Variants in SCML4 observed in about 807,000 individuals in gnomAD.
SCML4 encodes sex comb on midleg-like protein 4.
A neutral mutation model predicts 41.1 loss-of-function variants in SCML4; 34 were observed. That is an observed-to-expected ratio of 0.83 (90% CI 0.63 to 1.10). The LOEUF is 1.10. Among genes scored for constraint, SCML4 ranks in the 50% least tolerant of loss-of-function variants. The pLI is 0.00. For missense variants in SCML4, 522 were observed against 534.1 expected, an observed-to-expected ratio of 0.98 and a Z score of 0.22; for synonymous variants, 214 against 220.9, an observed-to-expected ratio of 0.97 and a Z score of 0.28.
At chr6:107,751,377 C>T (rs1778608127) in intron 2 of SCML4, among the ~76,000 whole-genome samples, 2 of 150,200 alleles carry the variant, frequency 1.3e-5, no homozygotes, top group South Asian at 4.2e-4. Flanking sequence ...CAGGCAATGT[C>T]GATATCAAGC....
chr6:107,779,135 G>A (rs1304571113), intron 1 of SCML4, among the ~76,000 whole-genome samples: 2 of 151,714 alleles, frequency 1.3e-5, no homozygotes, highest in African/African-American at 4.8e-5. Context: ...AGACAAGATC[G>A]CGCCACTGCA....
At chr6:107,755,822 G>A (rs1217278809) in intron 2 of SCML4, among the ~76,000 whole-genome samples, 1 of 152,146 alleles carries the variant, frequency 6.6e-6, no homozygotes, top group Non-Finnish European at 1.5e-5. Flanking sequence ...TTACACACTG[G>A]GAGCCTAGAG....
chr6:107,826,378 C>A (rs1417413826), upstream of SCML4, among the ~76,000 whole-genome samples: 5 of 152,104 alleles, frequency 3.3e-5, no homozygotes, highest in Admixed American at 6.5e-5. Context: ...TCTGTCCCAG[C>A]GACAGCGGTT....
intron 1 of SCML4, among the ~76,000 whole-genome samples, chr6:107,812,880 T>TACATAC (rs1554225250): frequency 2.8e-5 from 4 of 141,372 alleles, no homozygotes; most frequent in Non-Finnish European, 4.6e-5. Flanking sequence ...CACAGACACA[T>TACATAC]ACACACACAC....
chr6:107,837,364 G>A, the SCML4 span, among the ~76,000 whole-genome samples: 1 of 152,202 alleles, frequency 6.6e-6, no homozygotes, highest in Admixed American at 6.5e-5. Flanking sequence ...GGATTGGGAA[G>A]CCAGTCATGA....
At chr6:107,802,862 G>A (rs1783317410) in intron 1 of SCML4, among the ~76,000 whole-genome samples, 1 of 151,822 alleles carries the variant, frequency 6.6e-6, no homozygotes, top group Admixed American at 6.6e-5. Context: ...TCCTGCCTCA[G>A]CCTGCCGAGT....
At chr6:107,832,115 G>A in the SCML4 span, among the ~76,000 whole-genome samples, 5 of 149,880 alleles carry the variant, frequency 3.3e-5, no homozygotes, top group African/African-American at 9.8e-5. Flanking sequence ...GGTGCATGCC[G>A]GTAGTCCCAG....
chr6:107,707,625 T>C (rs1007967311), intron 7 of SCML4, among the ~76,000 whole-genome samples: 3 of 152,088 alleles, frequency 2.0e-5, no homozygotes, highest in African/African-American at 7.2e-5. Context: ...AAGGCCAACA[T>C]GAGAGAAGAG....
At chr6:107,818,502 C>A (rs1347557731) in intron 1 of SCML4, among the ~76,000 whole-genome samples, 1 of 152,184 alleles carries the variant, frequency 6.6e-6, no homozygotes, top group African/African-American at 2.4e-5. Flanking sequence ...TTTGATAAAG[C>A]CTTGACATCA....
chr6:107,759,158 G>GAAACA (rs1779359773), intron 2 of SCML4, among the ~76,000 whole-genome samples: 2 of 133,662 alleles, frequency 1.5e-5, no homozygotes, highest in East Asian at 2.2e-4. Flanking sequence ...AAAAAAACCT[G>GAAACA]AAACAAAACA....
At chr6:107,730,995 C>T (rs1010389618) in intron 5 of SCML4, among the ~76,000 whole-genome samples, 1 of 152,160 alleles carries the variant, frequency 6.6e-6, no homozygotes, top group African/African-American at 2.4e-5. Flanking sequence ...TTAGGTAATG[C>T]CCCTGCATCC....
chr6:107,817,481 G>T (rs779025963), intron 1 of SCML4, among the ~76,000 whole-genome samples: 2 of 151,884 alleles, frequency 1.3e-5, no homozygotes, highest in African/African-American at 2.4e-5. Flanking sequence ...TCTAGGTGTG[G>T]TGGCAGGTGC....
At chr6:107,823,927 T>C (rs1785126073) in intron 1 of SCML4, among the ~76,000 whole-genome samples, 199 bp downstream of exon 1, 1 of 152,230 alleles carries the variant, frequency 6.6e-6, no homozygotes, top group Admixed American at 6.5e-5. Context: ...GGTTAATAAA[T>C]TAAATGCTGT....
intron 5 of SCML4, among the ~76,000 whole-genome samples, chr6:107,733,159 T>C (rs770672157): frequency 6.6e-6 from 1 of 152,248 alleles, no homozygotes; most frequent in Non-Finnish European, 1.5e-5. Flanking sequence ...TGGCTGCACC[T>C]GGTCCCCTGA....
At chr6:107,727,633 T>C (rs1776125140) in intron 5 of SCML4, among the ~76,000 whole-genome samples, 1 of 152,218 alleles carries the variant, frequency 6.6e-6, no homozygotes, top group Non-Finnish European at 1.5e-5. Flanking sequence ...CCTGGAACGC[T>C]ACATCTTTGC....
Position 107,772,354 on chromosome 6 carries a change from G to A in SCML4, c.-27C>T, listed in dbSNP as rs578085371. On this transcript the variant is annotated 5_prime_UTR_variant, in exon 2 of 8. Coordinates refer to ENST00000369020, the MANE Select transcript of SCML4 (RefSeq NM_198081.5). ...TCTGCTGGTGCCAGTCTTACAGAATGAGGTGACAAATCGCTCACAGGCAGA... is the reference window on the plus strand; with the variant it reads ...TCTGCTGGTGCCAGTCTTACAGAATAAGGTGACAAATCGCTCACAGGCAGA... 1.7e-4 allele frequency: 256 copies of A among 1,541,140 alleles called. No individual in the cohort carries two copies. Among genetic ancestry groups the A allele is most frequent in the Non-Finnish European group, 2.2e-4 (250 of 1,142,820 alleles).
At chr6:107,748,112 A>G (rs966680986) in intron 3 of SCML4, among the ~76,000 whole-genome samples, 4 of 152,248 alleles carry the variant, frequency 2.6e-5, no homozygotes, top group Admixed American at 2.6e-4. Flanking sequence ...ATGACATGGT[A>G]CAGCATTGTC....
intron 3 of SCML4, among the ~76,000 whole-genome samples, chr6:107,748,229 A>T (rs1048912502): frequency 6.6e-6 from 1 of 152,166 alleles, no homozygotes; most frequent in Admixed American, 6.5e-5. Flanking sequence ...TCCATACATT[A>T]ATGACCCCTC....
In SCML4 at chr6:107,746,771, G is replaced by A; in HGVS notation, c.405C>T (p.Val135=). Reference sequence around the variant, plus strand: ...GGTGGGCGCAGTCGATGCAGGCTTGGACGGCCTGCTGCAGCACCGCCGATG... The same window carrying A: ...GGTGGGCGCAGTCGATGCAGGCTTGAACGGCCTGCTGCAGCACCGCCGATG... The part of the protein sequence containing the change: ...ERPSAVLQQA[V]QACIDCAHQQ... The change falls in exon 4 of 8, where the codon GTC becomes GTT. Residue 135 remains valine, a synonymous_variant. Coordinates refer to ENST00000369020, the MANE Select transcript of SCML4 (RefSeq NM_198081.5). 6.2e-7 allele frequency: 1 copy of A among 1,613,936 alleles called. No homozygotes were observed. The highest frequency in any genetic ancestry group is 1.7e-5 in the Admixed American group (1 of 60,022).
Sources: allele counts gnomAD v4.1 joint callset (sites outside exome capture counted in the v4.1 genomes callset), GRCh38; gene constraint gnomAD v4.1.1; transcripts MANE v1.5; gene names NCBI Gene and HGNC (gene_info 2026-07-23, HGNC 2026-07-21).